RALGAPA2: variants seen among roughly 807,000 people sequenced by gnomAD.
The protein encoded by RALGAPA2 is ral GTPase-activating protein subunit alpha-2.
Under a neutral mutation model 230.4 loss-of-function variants are expected in RALGAPA2, and 139 were observed. The ratio of observed to expected loss-of-function variants is 0.60; its 90% CI spans 0.53 to 0.69. RALGAPA2 has a LOEUF of 0.69. Ranked by LOEUF, RALGAPA2 falls within the 30% of genes least tolerant of loss-of-function variation. RALGAPA2 has a pLI of 0.00. For synonymous variants in RALGAPA2, 847 were observed against 837.8 expected, an observed-to-expected ratio of 1.01 and a Z score of -0.19; for missense variants, 2,163 against 2,276.0, an observed-to-expected ratio of 0.95 and a Z score of 1.01.
intron 38 of RALGAPA2, among the ~76,000 whole-genome samples, chr20:20,404,315 C>T (rs149650249): frequency 0.013 from 1,946 of 152,214 alleles, 20 homozygotes; most frequent in Non-Finnish European, 0.02. Context: ...AAAAAGGAAC[C>T]GGCAGGTTTA....
intron 37 of RALGAPA2, among the ~76,000 whole-genome samples, chr20:20,435,169 C>G (rs567912389): frequency 6.6e-6 from 1 of 152,332 alleles, no homozygotes; most frequent in Admixed American, 6.5e-5. Flanking sequence ...CTCAAGGAGG[C>G]CCTGCACAGC....
At chr20:20,682,817 T>C (rs530746721) in intron 1 of RALGAPA2, among the ~76,000 whole-genome samples, 2 of 152,298 alleles carry the variant, frequency 1.3e-5, no homozygotes, top group South Asian at 4.1e-4. Flanking sequence ...CTACAACTTA[T>C]AAACCTACAG....
At chr20:20,433,191 C>A (rs2060534679) in intron 37 of RALGAPA2, among the ~76,000 whole-genome samples, 1 of 152,198 alleles carries the variant, frequency 6.6e-6, no homozygotes, top group African/African-American at 2.4e-5. Flanking sequence ...GAATAATTCT[C>A]ACAAAATCCT....
At chr20:20,649,044 A>T (rs2067309171) in intron 4 of RALGAPA2, among the ~76,000 whole-genome samples, 1 of 152,188 alleles carries the variant, frequency 6.6e-6, no homozygotes, top group Non-Finnish European at 1.5e-5. Context: ...AGAAGCACAG[A>T]GCAGTAACGG....
At chr20:20,409,112 C>G (rs1445840066) in intron 38 of RALGAPA2, among the ~76,000 whole-genome samples, 1 of 152,228 alleles carries the variant, frequency 6.6e-6, no homozygotes, top group East Asian at 1.9e-4. Context: ...GGCCAACCCA[C>G]CCCCGCAGGG....
At chr20:20,562,386 A>G (rs1419026258) in intron 23 of RALGAPA2, among the ~76,000 whole-genome samples, 1 of 152,196 alleles carries the variant, frequency 6.6e-6, no homozygotes, top group Non-Finnish European at 1.5e-5. Context: ...ATGTATGCCA[A>G]CTGATACACG....
intron 3 of RALGAPA2, among the ~76,000 whole-genome samples, chr20:20,663,849 C>T (rs1197422844): frequency 6.6e-6 from 1 of 152,212 alleles, no homozygotes; most frequent in Non-Finnish European, 1.5e-5. Flanking sequence ...GCCTCAGCCT[C>T]CCAAAGTGCT....
chr20:20,590,673 T>C (rs969974188), intron 17 of RALGAPA2, among the ~76,000 whole-genome samples: 4 of 152,214 alleles, frequency 2.6e-5, no homozygotes, highest in African/African-American at 9.7e-5. Context: ...ACCGTGTAGA[T>C]TAATGCTATT....
intron 38 of RALGAPA2, among the ~76,000 whole-genome samples, chr20:20,401,086 A>G (rs1291564905): frequency 6.6e-6 from 1 of 152,192 alleles, no homozygotes; most frequent in East Asian, 1.9e-4. Flanking sequence ...ATGAAATGTT[A>G]TAGAATTTGA....
chr20:20,412,034 G>T lies in RALGAPA2; in HGVS notation c.5610C>A (p.Ser1870Arg). Residue 1870 changes from serine to arginine, a missense_variant, in exon 38 of 40, where the codon AGC becomes AGA. Transcript: ENST00000202677. ...VFSPSPSYSLSGTD is the reference protein window; with the variant it reads ...VFSPSPSYSLRGTD ...AATAATGTAGACACTCACCCGTTCCGCTGAGGGAGTAGCTGGGAGAGGGAG... is the reference window on the plus strand; with the variant it reads ...AATAATGTAGACACTCACCCGTTCCTCTGAGGGAGTAGCTGGGAGAGGGAG... The T allele has an allele frequency of 6.2e-7, 1 of 1,613,942 alleles. No individual in the cohort carries two copies. Among genetic ancestry groups the T allele is most frequent in the Non-Finnish European group, 8.5e-7 (1 of 1,179,856 alleles).
At chr20:20,432,255 G>A (rs1268521395) in intron 37 of RALGAPA2, among the ~76,000 whole-genome samples, 2 of 152,144 alleles carry the variant, frequency 1.3e-5, no homozygotes, top group African/African-American at 4.8e-5. Flanking sequence ...GACTGTGACT[G>A]TCTCATTGTG....
At chr20:20,425,474 T>C (rs1194770495) in intron 37 of RALGAPA2, among the ~76,000 whole-genome samples, 1 of 152,232 alleles carries the variant, frequency 6.6e-6, no homozygotes, top group Non-Finnish European at 1.5e-5. Context: ...AGTATTTCTA[T>C]GCTTCTATGA....
chr20:20,466,285 C>T (rs887612226), intron 37 of RALGAPA2, among the ~76,000 whole-genome samples: 5 of 152,252 alleles, frequency 3.3e-5, no homozygotes, highest in African/African-American at 7.2e-5. Flanking sequence ...GGCTGACAAA[C>T]TCAATTTTTA....
chr20:20,492,718 A>G (rs1264435223), intron 36 of RALGAPA2, among the ~76,000 whole-genome samples: 2 of 152,052 alleles, frequency 1.3e-5, no homozygotes, highest in African/African-American at 4.8e-5. Context: ...CTTTCCCCTC[A>G]TTGTCCGTAA....
chr20:20,543,879 T>C (rs1401702120), intron 24 of RALGAPA2, among the ~76,000 whole-genome samples: 1 of 150,370 alleles, frequency 6.7e-6, no homozygotes, highest in Non-Finnish European at 1.5e-5. Flanking sequence ...TAAAGTATAA[T>C]AATAAAAATA....
At position 20,605,375 on chromosome 20, in the gene RALGAPA2, A is replaced by C; in HGVS notation, c.1838T>G (p.Val613Gly). ...ATCCCAGAGCTCTCGAGAAATGTAC[A>C]CACAGAGGTTTGCTCGGATCCAAGC... Reference protein sequence around the residue: ...MVAWIRANLCVYISRELWDDF... With the variant: ...MVAWIRANLCGYISRELWDDF... Residue 613 changes from valine to glycine, a missense_variant, in exon 15 of 40, where the codon GTG becomes GGG. Transcript: ENST00000202677. The C allele has an allele frequency of 6.2e-7, 1 of 1,613,888 alleles. No individual in the cohort carries two copies. The highest frequency in any genetic ancestry group is 8.5e-7 in the Non-Finnish European group (1 of 1,179,834).
chr20:20,617,110 A>G (rs1430589469), intron 12 of RALGAPA2, among the ~76,000 whole-genome samples: 1 of 152,238 alleles, frequency 6.6e-6, no homozygotes, highest in Non-Finnish European at 1.5e-5. Context: ...GACCTGCTCT[A>G]TCTACCTAGA....
rs767624564 is a variant in RALGAPA2, at chr20:20,639,768, CAT to C, written c.666+15_666+16del. 67 of 1,522,128 alleles carry C rather than the reference CAT, an allele frequency of 4.4e-5. No homozygotes were observed. The highest frequency in any genetic ancestry group is 5.8e-5 in the Non-Finnish European group (64 of 1,096,942). The allele number at this position is 1,522,128 out of a possible 1,614,324, so 94.3% of individuals were successfully genotyped here. ...AGAATAAACCCATCACTGAAATAGT[CAT>C]AATTTTTCTCTGACCTGAATAACCA... is the stretch of plus-strand genomic sequence containing the variant. On this transcript the variant is annotated intron_variant, in intron 7 of 39. Transcript: ENST00000202677.
Position 20,609,700 on chromosome 20 carries a change from T to C in RALGAPA2, c.1800+1615A>G, listed in dbSNP as rs534243647. ...AGACTGGCTTCAGCTCATGTCCACTTGGCAGCCCAGGTCCAGGACGGGGAG... is the reference window on the plus strand; with the variant it reads ...AGACTGGCTTCAGCTCATGTCCACTCGGCAGCCCAGGTCCAGGACGGGGAG... On this transcript the variant is annotated intron_variant, in intron 14 of 39. Coordinates refer to ENST00000202677, the MANE Select transcript of RALGAPA2 (RefSeq NM_020343.4). Among the ~76,000 whole-genome samples the C allele has an allele frequency of 9.8e-5, 15 of 152,346 alleles. No individual in the cohort carries two copies. The South Asian group carries it at 3.1e-3, about 32-fold the overall frequency.
Sources: allele counts gnomAD v4.1 joint callset (sites outside exome capture counted in the v4.1 genomes callset), GRCh38; gene constraint gnomAD v4.1.1; transcripts MANE v1.5; gene names NCBI Gene and HGNC (gene_info 2026-07-23, HGNC 2026-07-21).